CYP4F22: variants seen among roughly 807,000 people sequenced by gnomAD.
CYP4F22 encodes cytochrome P450 family 4 subfamily F member 22.
In CYP4F22, 37 loss-of-function variants were observed where a neutral mutation model predicts 60.4. The observed-to-expected ratio is 0.61, with a 90% confidence interval of 0.47 to 0.81. The LOEUF (loss-of-function observed/expected upper bound fraction) is 0.81, where lower values mean the gene tolerates loss of function less well. Among genes scored for constraint, CYP4F22 ranks in the 30% least tolerant of loss-of-function variants. The pLI, the probability that CYP4F22 is intolerant of heterozygous loss-of-function variation, is 0.00. For synonymous variants in CYP4F22, 258 were observed against 280.5 expected (o/e 0.92, Z 0.80); for missense variants, 655 against 715.0 (o/e 0.92, Z 0.96).
chr19:15,537,475 G>A (rs1971409648), intron 5 of CYP4F22, 60 bp from the exon 6 acceptor site: 1 of 1,614,166 alleles, frequency 6.2e-7, no homozygotes, highest in Admixed American at 1.7e-5. Context: ...AGAGCATGGG[G>A]TTCCTTGGAA....
rs578085159 is a variant in CYP4F22, at chr19:15,537,057, G to A, written c.368-304G>A. Among the ~76,000 whole-genome samples, 4 of 152,302 alleles carry A rather than the reference G, an allele frequency of 2.6e-5. No homozygotes were observed. The East Asian group carries it at 7.7e-4, about 29-fold the overall frequency. On this transcript the variant is annotated intron_variant, in intron 4 of 13. Coordinates refer to ENST00000269703, the MANE Select transcript of CYP4F22 (RefSeq NM_173483.4). ...CTCGTGCTTGTAATCCCAGCACTTT[G>A]GGAGGCTGAGGTGGGTGGATCACTT...
At chr19:15,549,241 C>T in intron 12 of CYP4F22, 39 bp downstream of exon 12, 2 of 1,610,030 alleles carry the variant, frequency 1.2e-6, no homozygotes, top group Non-Finnish European at 1.7e-6. Context: ...CTCAGGTCCT[C>T]CCCTCCCCTG....
chr19:15,536,559 G>A lies in CYP4F22; in HGVS notation c.368-802G>A, dbSNP rs142116145. ...TGGGGCCATTCATGAGGGACACACT[G>A]GAGAGGGTGAGGCTGGAGGCTGGGA... On this transcript the variant is annotated intron_variant, in intron 4 of 13. Coordinates refer to ENST00000269703, the MANE Select transcript of CYP4F22 (RefSeq NM_173483.4). Among the ~76,000 whole-genome samples the A allele has an allele frequency of 4.4e-3, 667 of 152,234 alleles. 5 individuals carry two copies. Among genetic ancestry groups the A allele is most frequent in the African/African-American group, 0.015 (611 of 41,526 alleles).
intron 7 of CYP4F22, among the ~76,000 whole-genome samples, chr19:15,540,166 G>A (rs1971441141): frequency 6.6e-6 from 1 of 152,096 alleles, no homozygotes; most frequent in African/African-American, 2.4e-5. Flanking sequence ...GGGTGTGGTG[G>A]CTCAGACCTG....
intron 1 of CYP4F22, among the ~76,000 whole-genome samples, chr19:15,519,694 A>G (rs1217745207): frequency 6.6e-6 from 1 of 152,006 alleles, no homozygotes; most frequent in African/African-American, 2.4e-5. Context: ...GGCTGTTAGA[A>G]AGGGGATTGT....
At chr19:15,522,563 C>G (rs1359182019) in intron 1 of CYP4F22, among the ~76,000 whole-genome samples, 1 of 151,944 alleles carries the variant, frequency 6.6e-6, no homozygotes, top group African/African-American at 2.4e-5. Flanking sequence ...ATAGTCCCAG[C>G]TACTCTGGAG....
chr19:15,508,749 G>A (rs2144487287), intron 1 of CYP4F22, among the ~76,000 whole-genome samples, 166 bp downstream of exon 1: 1 of 152,096 alleles, frequency 6.6e-6, no homozygotes, highest in South Asian at 2.1e-4. Context: ...CCAGGACGGG[G>A]CTGCATGCCC....
intron 1 of CYP4F22, among the ~76,000 whole-genome samples, chr19:15,518,099 A>C (rs1184358993): frequency 2.6e-5 from 4 of 151,862 alleles, no homozygotes; most frequent in Admixed American, 2.0e-4. Flanking sequence ...CACTTTGGAA[A>C]GCTGAGGTGG....
At chr19:15,535,451 C>T (rs1312736221) in intron 4 of CYP4F22, among the ~76,000 whole-genome samples, 6 of 152,184 alleles carry the variant, frequency 3.9e-5, no homozygotes, top group Admixed American at 2.6e-4. Context: ...GTGGCTGAGT[C>T]GCATTCAGGT....
At chr19:15,527,591 C>T (rs1971297168) in intron 3 of CYP4F22, among the ~76,000 whole-genome samples, 1 of 152,236 alleles carries the variant, frequency 6.6e-6, no homozygotes, top group Non-Finnish European at 1.5e-5. Flanking sequence ...GCTCTAAAGC[C>T]CAGCCTTGAC....
chr19:15,537,361 C>G lies in CYP4F22; in HGVS notation c.368C>G (p.Ala123Gly). The G allele has an allele frequency of 6.2e-7, 1 of 1,614,158 alleles. No individual in the cohort carries two copies. The highest frequency in any genetic ancestry group is 8.5e-7 in the Non-Finnish European group (1 of 1,180,032). ...ACCATTTTCCCTTTGCCCTCCACAG[C>G]TGCCATCGCCCCCAAGGATGACCTC... ...DYIKPLLGAS[A>G]AIAPKDDLFY... Residue 123 changes from alanine to glycine, a missense_variant and splice_region_variant, in exon 5 of 14, where the codon GCT becomes GGT. Around this residue, in one of 3 missense-constraint regions of CYP4F22, gnomAD observed 430 missense variants for 457.1 expected, o/e 0.94. Transcript: ENST00000269703.
chr19:15,537,604 A>G lies in CYP4F22; in HGVS notation c.491A>G (p.His164Arg). ...CGTCGCCTGCTGACACCCGCCTTCC[A>G]CTTTGACATCCTGAAGCCTTACATG... ...RHRRLLTPAF[H>R]FDILKPYMKI... Residue 164 changes from histidine to arginine, a missense_variant, in exon 6 of 14, where the codon CAC (histidine) becomes CGC (arginine). By Grantham distance (29) the His-to-Arg change is conservative. Coordinates refer to ENST00000269703, the MANE Select transcript of CYP4F22 (RefSeq NM_173483.4). The G allele has an allele frequency of 6.2e-7, 1 of 1,614,152 alleles. No individual in the cohort carries two copies. The highest frequency in any genetic ancestry group is 8.5e-7 in the Non-Finnish European group (1 of 1,180,024).
chr19:15,527,235 A>G (rs1358865389), intron 3 of CYP4F22, among the ~76,000 whole-genome samples: 2 of 151,918 alleles, frequency 1.3e-5, no homozygotes, highest in Non-Finnish European at 2.9e-5. Context: ...GGATTCAACC[A>G]CATCCCTGCC....
At chr19:15,550,249 C>T (rs553636475) in intron 12 of CYP4F22, among the ~76,000 whole-genome samples, 11 of 152,092 alleles carry the variant, frequency 7.2e-5, no homozygotes, top group African/African-American at 7.2e-5. Context: ...GCTATGATCG[C>T]GCTTCTGCAC....
Position 15,537,640 on chromosome 19 carries a change from A to C in CYP4F22, c.527A>C (p.Asn176Thr). ...DILKPYMKIFNQSADIMHAKW... is the reference protein window; with the variant it reads ...DILKPYMKIFTQSADIMHAKW... ...CTGAAGCCTTACATGAAGATCTTCAACCAGAGCGCTGACATTATGCATGTG... is the reference window on the plus strand; with the variant it reads ...CTGAAGCCTTACATGAAGATCTTCACCCAGAGCGCTGACATTATGCATGTG... Residue 176 changes from asparagine (N) to threonine (T), a missense_variant, in exon 6 of 14, where the codon AAC (asparagine) becomes ACC (threonine). Coordinates refer to ENST00000269703, the MANE Select transcript of CYP4F22 (RefSeq NM_173483.4). 6.2e-7 allele frequency: 1 copy of C among 1,613,624 alleles called. No homozygotes were observed. The highest frequency in any genetic ancestry group is 8.5e-7 in the Non-Finnish European group (1 of 1,180,028).
At position 15,525,664 on chromosome 19, in the gene CYP4F22, T is replaced by G. The variant is rs182358060; in HGVS notation, c.222+106T>G. On this transcript the variant is annotated intron_variant, in intron 3 of 13. Transcript: ENST00000269703. ...TTCCCACAGCCTCCCAAGAATCTGG[T>G]TGGGGCTAGCAGCAGATTTATATGA... 1.5e-5 allele frequency: 17 copies of G among 1,141,326 alleles called. No individual in the cohort carries two copies. The Admixed American group carries it at 1.9e-4, about 13-fold the overall frequency. 70.7% of individuals were successfully genotyped at this position (1,141,326 alleles called of 1,614,324 possible). A position where few individuals can be genotyped will look rare whatever the true frequency, so the allele number is the denominator to read the frequency against.
At chr19:15,510,962 ATATATT>A (rs1343170880) in intron 1 of CYP4F22, among the ~76,000 whole-genome samples, 1 of 114,572 alleles carries the variant, frequency 8.7e-6, no homozygotes, top group Middle Eastern at 4.4e-3. Flanking sequence ...ATATATATAT[ATATATT>A]TTTTTTTTTT....
intron 1 of CYP4F22, chr19:15,515,355 C>A: frequency 2.5e-6 from 3 of 1,215,632 alleles, no homozygotes; most frequent in Non-Finnish European, 3.6e-6. Context: ...ACCTCCCACA[C>A]ACAGACATTG....
intron 1 of CYP4F22, among the ~76,000 whole-genome samples, chr19:15,510,966 A>ATATATATATATTTTTT (rs34055543): frequency 1.9e-5 from 2 of 103,308 alleles, no homozygotes; most frequent in African/African-American, 9.2e-5. Context: ...ATATATATAT[A>ATATATATATATTTTTT]TTTTTTTTTT....
Sources: gnomAD v4.1 joint callset for allele counts (sites outside exome capture counted in the v4.1 genomes callset) on GRCh38, gnomAD v4.1.1 for gene constraint, gnomAD v4.1.1 regional missense constraint, MANE v1.5 for transcripts, NCBI Gene and HGNC (gene_info 2026-07-23, HGNC 2026-07-21) for gene names.